The following DLC1 variants were observed in gnomAD, a reference collection of about 807,000 sequenced individuals.
DLC1 encodes the protein rho GTPase-activating protein 7.
Under a neutral mutation model 140.3 loss-of-function variants are expected in DLC1, and 54 were observed. The observed-to-expected ratio is 0.38, with a 90% confidence interval of 0.31 to 0.48. The LOEUF is 0.48. Among genes scored for constraint, DLC1 ranks in the 20% least tolerant of loss-of-function variants. The pLI is 0.96. For missense variants in DLC1, 2,536 were observed against 1,907.0 expected (o/e 1.33, Z -6.14); for synonymous variants, 986 against 728.1 (o/e 1.35, Z -5.70).
chr8:13,236,539 G>A (rs1390336354), intron 5 of DLC1, among the ~76,000 whole-genome samples: 2 of 152,040 alleles, frequency 1.3e-5, no homozygotes, highest in South Asian at 2.1e-4. Flanking sequence ...TTAGTGTAGT[G>A]AACAAAAGAA....
chr8:13,390,220 C>T (rs112294246), intron 4 of DLC1, among the ~76,000 whole-genome samples: 1,569 of 152,172 alleles, frequency 0.01, 14 homozygotes, highest in Middle Eastern at 0.034. Flanking sequence ...AATAACATGC[C>T]CACACACAAA....
intron 10 of DLC1, among the ~76,000 whole-genome samples, chr8:13,097,035 G>T (rs1818555411): frequency 6.6e-6 from 1 of 152,030 alleles, no homozygotes; most frequent in South Asian, 2.1e-4. Flanking sequence ...TAGCCTTACA[G>T]CCTACCCCTC....
intron 1 of DLC1, among the ~76,000 whole-genome samples, chr8:13,582,420 G>C (rs1285321560): frequency 6.6e-6 from 1 of 152,118 alleles, no homozygotes; most frequent in East Asian, 1.9e-4. Flanking sequence ...CAGTGGACTG[G>C]GGAAGGCAGA....
At chr8:13,492,313 C>T (rs1195346246) in intron 2 of DLC1, among the ~76,000 whole-genome samples, 2 of 152,040 alleles carry the variant, frequency 1.3e-5, no homozygotes, top group Non-Finnish European at 2.9e-5. Flanking sequence ...TTCATGTTCC[C>T]TGTCTCTTTG....
intron 4 of DLC1, among the ~76,000 whole-genome samples, chr8:13,373,195 G>T (rs148346121): frequency 6.6e-6 from 1 of 152,066 alleles, no homozygotes; most frequent in African/African-American, 2.4e-5. Flanking sequence ...TTTTAAGATG[G>T]GTGCAAACGG....
At chr8:13,129,093 T>C (rs1280405035) in intron 5 of DLC1, among the ~76,000 whole-genome samples, 1 of 152,174 alleles carries the variant, frequency 6.6e-6, no homozygotes, top group Non-Finnish European at 1.5e-5. Flanking sequence ...CAGCTGGGAA[T>C]CTAAACCCTT....
At chr8:13,093,903 T>C (rs1818288667) in intron 12 of DLC1, among the ~76,000 whole-genome samples, 1 of 152,252 alleles carries the variant, frequency 6.6e-6, no homozygotes, top group Non-Finnish European at 1.5e-5. Context: ...TCTTGATCAT[T>C]AATTTCGACA....
intron 5 of DLC1, among the ~76,000 whole-genome samples, chr8:13,287,349 AT>A (rs1387785428): frequency 2.0e-5 from 3 of 152,210 alleles, no homozygotes; most frequent in Non-Finnish European, 4.4e-5. Context: ...CGATAAAAAA[AT>A]CTTTGGCTTC....
At chr8:13,483,373 T>C (rs182846523) in intron 2 of DLC1, among the ~76,000 whole-genome samples, 24 of 152,282 alleles carry the variant, frequency 1.6e-4, no homozygotes, top group Admixed American at 1.1e-3. Flanking sequence ...CACAATTCAA[T>C]CACTACAGTA....
chr8:13,481,559 AG>A (rs1796615276), intron 2 of DLC1, among the ~76,000 whole-genome samples: 1 of 152,244 alleles, frequency 6.6e-6, no homozygotes. Flanking sequence ...GTTGTTATGA[AG>A]GAGAAGCTTT....
At chr8:13,315,353 A>G (rs1383683783) in intron 4 of DLC1, among the ~76,000 whole-genome samples, 2 of 152,254 alleles carry the variant, frequency 1.3e-5, no homozygotes, top group Non-Finnish European at 2.9e-5. Context: ...ATAGCCAAAC[A>G]TTTGGTGCTT....
At chr8:13,596,238 T>A (rs1225908196) in intron 1 of DLC1, among the ~76,000 whole-genome samples, 2 of 152,002 alleles carry the variant, frequency 1.3e-5, no homozygotes, top group Non-Finnish European at 2.9e-5. Context: ...TAGGAACCTT[T>A]AAAAATGGCT....
At position 13,294,387 on chromosome 8, in the gene DLC1, A is replaced by G. The variant is rs185711215; in HGVS notation, c.1348+10882T>C. ...AGAAGACAATGACAGTCCATCAATG[A>G]TCAAGTACAAAAACGACCAGTTCAG... is the stretch of plus-strand genomic sequence containing the variant. On this transcript the variant is annotated intron_variant, in intron 5 of 17. Transcript: ENST00000276297. 2.6e-5 allele frequency among the ~76,000 whole-genome samples: 4 copies of G among 152,346 alleles called. No individual in the cohort carries two copies. The East Asian group carries it at 7.7e-4, about 29-fold the overall frequency.
chr8:13,342,458 A>G (rs79612652), intron 4 of DLC1: 2 of 152,360 alleles, frequency 1.3e-5, no homozygotes, highest in East Asian at 3.9e-4. Context: ...TATTTTTCAG[A>G]TGTGATTAGT....
At chr8:13,537,088 CA>C (rs1261702104) in intron 1 of DLC1, among the ~76,000 whole-genome samples, 1 of 151,424 alleles carries the variant, frequency 6.6e-6, no homozygotes, top group African/African-American at 2.4e-5. Context: ...TGTCTTTAAG[CA>C]CATTAAATAT....
chr8:13,477,305 A>G (rs1298434252), intron 2 of DLC1, among the ~76,000 whole-genome samples: 1 of 152,222 alleles, frequency 6.6e-6, no homozygotes, highest in Non-Finnish European at 1.5e-5. Context: ...TGGTAATTTA[A>G]AGAAAGTGGA....
chr8:13,123,497 C>G (rs1182090359), intron 5 of DLC1, among the ~76,000 whole-genome samples: 2 of 143,916 alleles, frequency 1.4e-5, no homozygotes, highest in Non-Finnish European at 3.0e-5. Context: ...CCCGCCACCA[C>G]AATGAGCTAA....
intron 5 of DLC1, among the ~76,000 whole-genome samples, chr8:13,260,805 G>A (rs1830443408): frequency 6.6e-6 from 1 of 152,148 alleles, no homozygotes; most frequent in South Asian, 2.1e-4. Context: ...AGGGGTAACT[G>A]ATTCAAATAG....
intron 5 of DLC1, among the ~76,000 whole-genome samples, chr8:13,167,307 G>T (rs1452225888): frequency 1.3e-5 from 2 of 151,956 alleles, no homozygotes; most frequent in African/African-American, 2.4e-5. Flanking sequence ...TGCCCTTTCT[G>T]AAAGCTTGCA....
Sources: gnomAD v4.1 joint callset for allele counts (sites outside exome capture counted in the v4.1 genomes callset) on GRCh38, gnomAD v4.1.1 for gene constraint, MANE v1.5 for transcripts, NCBI Gene and HGNC (gene_info 2026-07-23, HGNC 2026-07-21) for gene names.